EDIL3: variants seen among roughly 807,000 people sequenced by gnomAD.
The protein encoded by EDIL3 is EGF like and discoidin domains 3, also known as EGF-like repeat and discoidin I-like domain-containing protein 3.
A neutral mutation model predicts 67.4 loss-of-function variants in EDIL3; 37 were observed. The observed-to-expected ratio is 0.55, with a 90% CI of 0.42 to 0.72. The LOEUF (loss-of-function observed/expected upper bound fraction) is 0.72. Ranked by LOEUF, EDIL3 falls within the 30% of genes least tolerant of loss-of-function variation. The pLI is 0.00. For missense variants in EDIL3, 527 were observed against 586.3 expected (o/e 0.90, Z 1.04); for synonymous variants, 195 against 196.3 (o/e 0.99, Z 0.05).
intron 4 of EDIL3, among the ~76,000 whole-genome samples, chr5:84,175,814 T>C (rs951962313): frequency 6.6e-5 from 10 of 152,108 alleles, no homozygotes; most frequent in Admixed American, 5.2e-4. Context: ...TACTGAAGGA[T>C]CATATGGATG....
intron 1 of EDIL3, among the ~76,000 whole-genome samples, chr5:84,333,430 A>G (rs919909916): frequency 2.6e-5 from 4 of 152,142 alleles, no homozygotes; most frequent in African/African-American, 4.8e-5. Context: ...TCAAAATGAT[A>G]AAGTCATTAG....
chr5:84,055,784 G>C (rs1354181362), intron 9 of EDIL3, among the ~76,000 whole-genome samples: 1 of 152,128 alleles, frequency 6.6e-6, no homozygotes. Flanking sequence ...CAGTTAGAAT[G>C]GCAATCATTC....
chr5:84,328,731 G>GA (rs974857514), intron 1 of EDIL3, among the ~76,000 whole-genome samples: 2 of 152,068 alleles, frequency 1.3e-5, no homozygotes, highest in African/African-American at 4.8e-5. Context: ...ATCAGTAAAA[G>GA]AAGTGCAGTT....
At chr5:84,131,068 C>T (rs566751564) in intron 5 of EDIL3, among the ~76,000 whole-genome samples, 3 of 151,852 alleles carry the variant, frequency 2.0e-5, no homozygotes, top group South Asian at 2.1e-4. Flanking sequence ...TAAAATCACA[C>T]ATTATGACAA....
At chr5:84,113,536 G>A (rs1300441743) in intron 5 of EDIL3, among the ~76,000 whole-genome samples, 2 of 152,134 alleles carry the variant, frequency 1.3e-5, no homozygotes, top group Non-Finnish European at 2.9e-5. Context: ...TTGGCCAAGA[G>A]GGATGTGAAT....
intron 5 of EDIL3, among the ~76,000 whole-genome samples, chr5:84,136,338 A>G (rs927789974): frequency 3.9e-5 from 6 of 152,218 alleles, no homozygotes; most frequent in Non-Finnish European, 8.8e-5. Context: ...TATACATCGA[A>G]GCAGTAGCAG....
intron 4 of EDIL3, among the ~76,000 whole-genome samples, chr5:84,155,209 T>C (rs1037472325): frequency 5.9e-5 from 9 of 152,184 alleles, no homozygotes; most frequent in Non-Finnish European, 1.2e-4. Flanking sequence ...GCCTTAAAAT[T>C]GTCCCAACAC....
chr5:83,966,635 CT>C (rs1265666566), intron 9 of EDIL3, among the ~76,000 whole-genome samples: 1 of 151,958 alleles, frequency 6.6e-6, no homozygotes, highest in African/African-American at 2.4e-5. Context: ...GCTACTTTAC[CT>C]CTCTACCTCC....
At chr5:84,350,761 A>G (rs1421025374) in intron 1 of EDIL3, among the ~76,000 whole-genome samples, 1 of 152,108 alleles carries the variant, frequency 6.6e-6, no homozygotes, top group East Asian at 1.9e-4. Context: ...GCATTGTTCA[A>G]TAGAAATATA....
At chr5:84,078,321 C>A (rs1461718833) in intron 6 of EDIL3, among the ~76,000 whole-genome samples, 1 of 151,930 alleles carries the variant, frequency 6.6e-6, no homozygotes, top group Non-Finnish European at 1.5e-5. Flanking sequence ...AGCTCTCACA[C>A]AATAAATATA....
chr5:84,237,992 C>G (rs1415786211), intron 2 of EDIL3, among the ~76,000 whole-genome samples: 1 of 152,052 alleles, frequency 6.6e-6, no homozygotes, highest in Non-Finnish European at 1.5e-5. Flanking sequence ...GTTTCCCTGC[C>G]CATCATCCCA....
At position 84,166,901 on chromosome 5, in the gene EDIL3, G is replaced by A. The variant is rs138357603; in HGVS notation, c.355+13492C>T. ...TGGAAGCTGGACTGACACATCTGAG[G>A]TCAGCAGAGAACTGTGTGGCCAAAG... On this transcript the variant is annotated intron_variant, in intron 4 of 10. Coordinates refer to ENST00000296591, the MANE Select transcript of EDIL3 (RefSeq NM_005711.5). Among the ~76,000 whole-genome samples the A allele has an allele frequency of 2.2e-4, 34 of 152,228 alleles. No homozygotes were observed. In the East Asian group the frequency reaches 5.6e-3, roughly 25 times the overall value.
intron 6 of EDIL3, among the ~76,000 whole-genome samples, chr5:84,082,271 G>A (rs1746984389): frequency 6.6e-6 from 1 of 152,140 alleles, no homozygotes; most frequent in Non-Finnish European, 1.5e-5. Flanking sequence ...TCTGACTTGG[G>A]ATCAATTAAA....
chr5:83,943,470 G>T lies in EDIL3; in HGVS notation c.1392C>A (p.Tyr464Ter). The change falls in exon 11 of 11, where the codon TAC (tyrosine) becomes TAA (stop). Residue 464 changes from tyrosine to a stop codon, truncating the protein, a stop_gained. Transcript: ENST00000296591. LOFTEE classifies it high-confidence loss of function. ...RHIRILPWSWYGRITLRSELL... is the reference protein window; with the variant it reads ...RHIRILPWSW Reference sequence around the variant, plus strand: ...GCTCTGACCGCAATGTGATCCTCCCGTACCAGGACCAAGGAAGGATTCTTA... The same window carrying T: ...GCTCTGACCGCAATGTGATCCTCCCTTACCAGGACCAAGGAAGGATTCTTA... 2 of 1,612,700 alleles carry T rather than the reference G, an allele frequency of 1.2e-6. No homozygotes were observed. The highest frequency in any genetic ancestry group is 1.1e-5 in the South Asian group (1 of 91,062).
At chr5:83,969,372 A>T (rs1197855190) in intron 9 of EDIL3, among the ~76,000 whole-genome samples, 2 of 151,826 alleles carry the variant, frequency 1.3e-5, no homozygotes, top group African/African-American at 4.8e-5. Context: ...CTACTTGGTC[A>T]AAGGAAATGA....
At chr5:84,097,538 T>C (rs1036402152) in intron 6 of EDIL3, among the ~76,000 whole-genome samples, 5 of 152,200 alleles carry the variant, frequency 3.3e-5, no homozygotes, top group African/African-American at 9.6e-5. Flanking sequence ...AGGCCACATA[T>C]GTTTTGTGTT....
intron 3 of EDIL3, among the ~76,000 whole-genome samples, chr5:84,184,370 A>T (rs1238180672): frequency 6.6e-6 from 1 of 152,202 alleles, no homozygotes; most frequent in Non-Finnish European, 1.5e-5. Context: ...CTAAAAGGAA[A>T]GGCAGAAATA....
At chr5:84,091,873 T>C (rs942322218) in intron 6 of EDIL3, among the ~76,000 whole-genome samples, 1 of 152,232 alleles carries the variant, frequency 6.6e-6, no homozygotes. Flanking sequence ...AATTCATAAA[T>C]AGCATTTCCC....
At chr5:84,230,413 T>TA (rs1744549695) in intron 2 of EDIL3, among the ~76,000 whole-genome samples, 1 of 150,356 alleles carries the variant, frequency 6.7e-6, no homozygotes, top group Non-Finnish European at 1.5e-5. Flanking sequence ...GACTTTTCTT[T>TA]TTTTTTTTTT....
Sources: allele counts gnomAD v4.1 joint callset (sites outside exome capture counted in the v4.1 genomes callset), GRCh38; gene constraint gnomAD v4.1.1; transcripts MANE v1.5; gene names NCBI Gene and HGNC (gene_info 2026-07-23, HGNC 2026-07-21).